Variants in LY96 observed in about 807,000 individuals in gnomAD.
LY96 encodes the protein myeloid differentiation protein-2.
Under a neutral mutation model 18.9 loss-of-function variants are expected in LY96, and 18 were observed. The observed-to-expected ratio is 0.95, with a 90% CI of 0.66 to 1.41. The LOEUF is 1.41. Ranked by LOEUF, LY96 falls within the 40% of genes most tolerant of loss-of-function variation. LY96 has a pLI of 0.00. For synonymous variants in LY96, 66 were observed against 62.6 expected (o/e 1.06, Z -0.26); for missense variants, 175 against 182.4 (o/e 0.96, Z 0.23).
At chr8:73,996,372 C>CCTTCCTTCCTTTCTTTCTTTCTTTCTTT (rs1816135382) in intron 1 of LY96, among the ~76,000 whole-genome samples, 2 of 110,910 alleles carry the variant, frequency 1.8e-5, no homozygotes, top group Non-Finnish European at 1.9e-5. Context: ...TTCCTTCATT[C>CCTTCCTTCCTTTCTTTCTTTCTTTCTTT]CTTTCTTTCT....
rs183363149 is a variant in LY96, at chr8:74,005,714, A to G, written c.202+829A>G. ...GCTTGTTATCAGCTTAGAAAAAACTAACGCAGGTGGGGTGATAGCATGGGG... is the reference window on the plus strand; with the variant it reads ...GCTTGTTATCAGCTTAGAAAAAACTGACGCAGGTGGGGTGATAGCATGGGG... On this transcript the variant is annotated intron_variant, in intron 2 of 4. Coordinates refer to ENST00000284818, the MANE Select transcript of LY96 (RefSeq NM_015364.5). Among the ~76,000 whole-genome samples, 281 of 152,326 alleles carry G rather than the reference A, an allele frequency of 1.8e-3. 3 individuals carry two copies. The highest frequency in any genetic ancestry group is 1.3e-3 in the Non-Finnish European group (87 of 68,024).
At chr8:74,075,985 C>G in the LY96 span, among the ~76,000 whole-genome samples, 2 of 152,138 alleles carry the variant, frequency 1.3e-5, no homozygotes, top group African/African-American at 2.4e-5. Flanking sequence ...AAAACCTTGG[C>G]AAACCCAGAG....
the LY96 span, among the ~76,000 whole-genome samples, chr8:74,068,407 C>T: frequency 3.3e-5 from 5 of 152,096 alleles, no homozygotes; most frequent in African/African-American, 1.2e-4. Flanking sequence ...GGTTTTAGCT[C>T]TTATGAATAA....
intron 3 of LY96, among the ~76,000 whole-genome samples, chr8:74,023,101 T>C (rs929239332): frequency 3.3e-5 from 5 of 152,178 alleles, no homozygotes; most frequent in African/African-American, 9.7e-5. Flanking sequence ...TCTAATGAGA[T>C]GATGAGGTAT....
At chr8:74,070,359 A>G in the LY96 span, among the ~76,000 whole-genome samples, 6 of 151,952 alleles carry the variant, frequency 3.9e-5, no homozygotes, top group Non-Finnish European at 7.4e-5. Flanking sequence ...CCGAAGTGCT[A>G]GGATTACAGG....
chr8:74,046,668 T>A, the LY96 span, among the ~76,000 whole-genome samples: 1 of 152,152 alleles, frequency 6.6e-6, no homozygotes, highest in Admixed American at 6.5e-5. Flanking sequence ...TGGCATATGA[T>A]CAATAACAAA....
the LY96 span, among the ~76,000 whole-genome samples, chr8:74,070,059 A>G: frequency 1.3e-5 from 2 of 152,080 alleles, no homozygotes. Context: ...TAGAAAGATA[A>G]GATGAATGCT....
At chr8:74,072,370 T>C in the LY96 span, among the ~76,000 whole-genome samples, 20 of 152,356 alleles carry the variant, frequency 1.3e-4, no homozygotes, top group Admixed American at 3.9e-4. Context: ...ATATCTGTTT[T>C]CTGTTCTGTG....
chr8:74,026,762 G>A (rs1217878713), intron 3 of LY96, 27 bp from the exon 4 acceptor site: 13 of 1,372,670 alleles, frequency 9.5e-6, no homozygotes, highest in Admixed American at 3.4e-5. Context: ...GACCAATAAC[G>A]TTTTGTATTT....
At chr8:74,046,208 G>A in the LY96 span, among the ~76,000 whole-genome samples, 1 of 152,124 alleles carries the variant, frequency 6.6e-6, no homozygotes, top group Non-Finnish European at 1.5e-5. Flanking sequence ...AAACCCGGGA[G>A]GCAGAGGTTG....
At chr8:74,046,903 CTT>C in the LY96 span, among the ~76,000 whole-genome samples, 7 of 135,124 alleles carry the variant, frequency 5.2e-5, no homozygotes, top group Non-Finnish European at 7.9e-5. Context: ...CATTCTCATT[CTT>C]TTTTTTTTTT....
intron 2 of LY96, among the ~76,000 whole-genome samples, chr8:74,009,104 G>A (rs751426498): frequency 3.3e-5 from 5 of 152,040 alleles, no homozygotes; most frequent in Non-Finnish European, 7.4e-5. Flanking sequence ...AAAGGATTGT[G>A]CATCTTTTTT....
the LY96 span, among the ~76,000 whole-genome samples, chr8:74,093,948 G>A: frequency 6.6e-6 from 1 of 152,086 alleles, no homozygotes; most frequent in East Asian, 1.9e-4. Flanking sequence ...GCATGGAGAA[G>A]AGGCAAATCT....
At chr8:74,049,896 T>C in the LY96 span, among the ~76,000 whole-genome samples, 5 of 152,214 alleles carry the variant, frequency 3.3e-5, no homozygotes, top group Non-Finnish European at 7.3e-5. Context: ...TGTGCATCTG[T>C]AGTCCCAGCT....
At chr8:74,053,474 T>G in the LY96 span, among the ~76,000 whole-genome samples, 1 of 152,180 alleles carries the variant, frequency 6.6e-6, no homozygotes, top group African/African-American at 2.4e-5. Flanking sequence ...CATGTTTAGC[T>G]CCATATACTG....
chr8:74,043,151 C>T, the LY96 span, among the ~76,000 whole-genome samples: 3 of 152,168 alleles, frequency 2.0e-5, no homozygotes, highest in Admixed American at 2.0e-4. Context: ...TTCACCAACG[C>T]TTAATGTCTG....
At chr8:74,083,638 T>C in the LY96 span, among the ~76,000 whole-genome samples, 1 of 152,230 alleles carries the variant, frequency 6.6e-6, no homozygotes, top group Non-Finnish European at 1.5e-5. Context: ...TTTGTCTGAA[T>C]CAGGATTTTT....
At chr8:74,081,029 T>A in the LY96 span, among the ~76,000 whole-genome samples, 56 of 129,622 alleles carry the variant, frequency 4.3e-4, no homozygotes, top group African/African-American at 1.2e-3. Flanking sequence ...TTTCTTTCTT[T>A]CTTTCTTTCT....
the LY96 span, among the ~76,000 whole-genome samples, chr8:74,050,404 T>A: frequency 2.0e-5 from 3 of 151,924 alleles, no homozygotes; most frequent in African/African-American, 7.3e-5. Context: ...AAAGACTTGG[T>A]GTGAATGCTG....
Sources: allele counts gnomAD v4.1 joint callset (sites outside exome capture counted in the v4.1 genomes callset), GRCh38; gene constraint gnomAD v4.1.1; transcripts MANE v1.5; gene names NCBI Gene and HGNC (gene_info 2026-07-23, HGNC 2026-07-21).